MCM3: variants seen among roughly 807,000 people sequenced by gnomAD.
MCM3 encodes the protein minichromosome maintenance complex component 3, also known as DNA replication licensing factor MCM3.
A neutral mutation model predicts 91.3 loss-of-function variants in MCM3; 59 were observed. The ratio of observed to expected loss-of-function variants is 0.65; its 90% CI spans 0.52 to 0.80. The LOEUF is 0.80. Ranked by LOEUF, MCM3 falls within the 30% of genes least tolerant of loss-of-function variation. The pLI is 0.00. For missense variants in MCM3, 919 were observed against 1,035.4 expected, an observed-to-expected ratio of 0.89 and a Z score of 1.54; for synonymous variants, 383 against 379.6, an observed-to-expected ratio of 1.01 and a Z score of -0.10.
chr6:52,283,033 C>T lies in MCM3; in HGVS notation c.192-172G>A, dbSNP rs74865163. On this transcript the variant is annotated intron_variant, in intron 2 of 16. Transcript: ENST00000596288. ...TATAAGACTCAGTAAAATACCAGAA[C>T]TAAGGACCAACTTCACCTCAACTTA... Among the ~76,000 whole-genome samples the T allele has an allele frequency of 6.4e-3, 963 of 151,502 alleles. 10 individuals carry two copies. The highest frequency in any genetic ancestry group is 0.02 in the African/African-American group (815 of 41,254).
At chr6:52,275,055 C>T (rs757621350) in intron 9 of MCM3, among the ~76,000 whole-genome samples, 3 of 152,114 alleles carry the variant, frequency 2.0e-5, no homozygotes, top group Admixed American at 6.6e-5. Context: ...TGAGACACTG[C>T]GCCCAGCCCT....
At chr6:52,270,242 T>C (rs778365705) in intron 12 of MCM3, among the ~76,000 whole-genome samples, 11 of 146,636 alleles carry the variant, frequency 7.5e-5, no homozygotes, top group Non-Finnish European at 1.6e-4. Flanking sequence ...GGCAGGAGAA[T>C]AGCTTGAACC....
rs1562368632 is a variant in MCM3 at position 52,264,556 on chromosome 6, C to T, written c.*32G>A. The T allele has an allele frequency of 3.7e-6, 6 of 1,611,948 alleles. No individual in the cohort carries two copies. The highest frequency in any genetic ancestry group is 2.2e-5 in the East Asian group (1 of 44,864). The stretch of plus-strand genomic sequence containing the variant: ...GTGGGAAACACAGAACAAACTCTCT[C>T]GGCACAACCCAAGTTCAGAGACGAG... On this transcript the variant is annotated 3_prime_UTR_variant, in exon 17 of 17. Transcript: ENST00000596288.
chr6:52,272,221 T>TCA, intron 12 of MCM3, 80 bp downstream of exon 12: 2 of 1,448,030 alleles, frequency 1.4e-6, no homozygotes, highest in Non-Finnish European at 1.9e-6. Flanking sequence ...TAAAATGCTT[T>TCA]CAAAGCTCCC....
intron 9 of MCM3, among the ~76,000 whole-genome samples, chr6:52,274,690 GAAA>G (rs35200263): frequency 8.1e-6 from 1 of 123,892 alleles, no homozygotes; most frequent in African/African-American, 2.8e-5. Context: ...CTATGTCTCA[GAAA>G]AAAAAAAAAA....
At chr6:52,284,397 GGC>G (rs1290105879) in intron 1 of MCM3, among the ~76,000 whole-genome samples, 198 bp downstream of exon 1, 2 of 152,192 alleles carry the variant, frequency 1.3e-5, no homozygotes, top group African/African-American at 4.8e-5. Flanking sequence ...AGAGAAAGCT[GGC>G]TTCCTAAGAG....
intron 10 of MCM3, among the ~76,000 whole-genome samples, 158 bp from the exon 11 acceptor site, chr6:52,273,514 T>G (rs1490853143): frequency 2.0e-5 from 3 of 152,116 alleles, no homozygotes; most frequent in Admixed American, 1.3e-4. Flanking sequence ...ATAGTGGAAC[T>G]GCCTGGCTCA....
rs114522012 is a variant in MCM3, at chr6:52,272,980, G to T, written c.1676+250C>A. Among the ~76,000 whole-genome samples, 133 of 152,242 alleles carry T rather than the reference G, an allele frequency of 8.7e-4. 1 individual carries two copies. Among genetic ancestry groups the T allele is most frequent in the African/African-American group, 2.9e-3 (120 of 41,534 alleles). ...ATATAAGGCACACCCACCATCAGGC[G>T]TATCATCAAAACTCTATTTTAAGAA... On this transcript the variant is annotated intron_variant, in intron 11 of 16. Transcript: ENST00000596288.
chr6:52,269,012 C>T (rs1053734548), intron 13 of MCM3, 74 bp downstream of exon 13: 13 of 1,487,278 alleles, frequency 8.7e-6, no homozygotes, highest in African/African-American at 8.4e-5. Flanking sequence ...CCGTCAGCCA[C>T]GGAAGGCTGG....
In MCM3 at chr6:52,264,597, G is replaced by C. The variant is rs1175697294; in HGVS notation, c.2418C>G (p.Phe806Leu). 9 of 1,614,102 alleles carry C rather than the reference G, an allele frequency of 5.6e-6. No homozygotes were observed. The Admixed American group carries it at 1.3e-4, about 24-fold the overall frequency. ...CAGAGACGAGGCCTCCTCAGATGAG[G>C]AAGATGATGCCCTCAGACACCATGA... ...NQVMVSEGIIFLI is the reference protein window; with the variant it reads ...NQVMVSEGIILLI The change falls in exon 17 of 17, where the codon TTC becomes TTG. Residue 806 changes from phenylalanine (F) to leucine (L), a missense_variant. Around this residue, in one of 3 missense-constraint regions of MCM3, gnomAD observed 285 missense variants for 311.4 expected, o/e 0.92. Transcript: ENST00000596288.
At chr6:52,277,391 A>G in intron 7 of MCM3, 144 bp downstream of exon 7, 1 of 889,754 alleles carries the variant, frequency 1.1e-6, no homozygotes, top group Non-Finnish European at 1.6e-6. Flanking sequence ...AGAGATGACA[A>G]AAAAAAAAAA....
rs772299940 is a variant in MCM3 at position 52,273,743 on chromosome 6, A to G, written c.1548T>C (p.Asp516=). Residue 516 remains aspartate, a splice_region_variant and synonymous_variant, in exon 10 of 17, where the codon GAT becomes GAC. Coordinates refer to ENST00000596288, the MANE Select transcript of MCM3 (RefSeq NM_002388.6). ...RYRAPGEQDG[D]AMPLGSAVDI... The stretch of plus-strand genomic sequence containing the variant: ...CTCTTACTATTCTTATGGCCTCACC[A>G]TCGCCATCCTGCTCCCCAGGTGCTC... 3 of 1,608,278 alleles carry G rather than the reference A, an allele frequency of 1.9e-6. No individual in the cohort carries two copies. The highest frequency in any genetic ancestry group is 2.5e-6 in the Non-Finnish European group (3 of 1,177,268).
At chr6:52,274,743 T>C (rs1765418107) in intron 9 of MCM3, among the ~76,000 whole-genome samples, 1 of 149,038 alleles carries the variant, frequency 6.7e-6, no homozygotes, top group Admixed American at 6.7e-5. Flanking sequence ...AAAACCCCAA[T>C]ACTCTCCTTT....
chr6:52,281,934 T>C, intron 4 of MCM3, 111 bp downstream of exon 4: 2 of 1,119,682 alleles, frequency 1.8e-6, no homozygotes, highest in Non-Finnish European at 1.2e-6. Context: ...TTAATCCTTA[T>C]TTTTCACCCT....
chr6:52,266,575 G>A (rs1394992591), intron 15 of MCM3, 36 bp downstream of exon 15: 1 of 1,580,728 alleles, frequency 6.3e-7, no homozygotes, highest in East Asian at 2.2e-5. Context: ...AGAGTCACAG[G>A]AACAACCTCT....
rs774591214 is a variant in MCM3, at chr6:52,278,777, C to T, written c.844G>A (p.Ala282Thr). 1 of 1,613,920 alleles carries T rather than the reference C, an allele frequency of 6.2e-7. No individual in the cohort carries two copies. The highest frequency in any genetic ancestry group is 1.1e-5 in the South Asian group (1 of 91,022). Residue 282 changes from alanine to threonine, a missense_variant, in exon 6 of 17, where the codon GCC becomes ACC. Ala to Thr is a moderately conservative substitution (Grantham distance 58, BLOSUM62 0). Around this residue, in one of 3 missense-constraint regions of MCM3, gnomAD observed 401 missense variants for 402.7 expected, o/e 1.00. Coordinates refer to ENST00000596288, the MANE Select transcript of MCM3 (RefSeq NM_002388.6). ...AQPSFSAEDI[A>T]KIKKFSKTRS... The stretch of plus-strand genomic sequence containing the variant: ...GTTTTACTGAACTTCTTGATCTTGG[C>T]TATATCCTCAGCAGAGAAAGAGGGC...
Position 52,282,659 on chromosome 6 carries a change from T to C in MCM3, c.394A>G (p.Thr132Ala). ...SCVVCVEGIV[T>A]KCSLVRPKVV... ...CCCCCTTTAACCCACTTACATTTAG[T>C]GACAATGCCCTCCACACAGACCACA... The change falls in exon 3 of 17, where the codon ACT (threonine) becomes GCT (alanine). Residue 132 changes from threonine (T) to alanine (A), a missense_variant. Transcript: ENST00000596288. 4.3e-6 allele frequency: 7 copies of C among 1,613,020 alleles called. No homozygotes were observed. The highest frequency in any genetic ancestry group is 5.1e-6 in the Non-Finnish European group (6 of 1,180,000).
rs1348213113 is a variant in MCM3 at position 52,277,706 on chromosome 6, A to G, written c.880-18T>C. The G allele has an allele frequency of 2.5e-6, 4 of 1,612,204 alleles. No homozygotes were observed. Among genetic ancestry groups the G allele is most frequent in the African/African-American group, 2.7e-5 (2 of 74,830 alleles). On this transcript the variant is annotated intron_variant, in intron 6 of 16. Coordinates refer to ENST00000596288, the MANE Select transcript of MCM3 (RefSeq NM_002388.6). ...AAGATATCCTACAGGAGAAATAACC[A>G]ATGGCAAGCCTAGTGAGATTCAATG...
At chr6:52,275,208 G>T (rs1240838394) in intron 9 of MCM3, among the ~76,000 whole-genome samples, 1 of 152,188 alleles carries the variant, frequency 6.6e-6, no homozygotes, top group East Asian at 1.9e-4. Flanking sequence ...CCATGCAACT[G>T]TATGTATAAA....
Sources: allele counts gnomAD v4.1 joint callset (sites outside exome capture counted in the v4.1 genomes callset), GRCh38; gene constraint gnomAD v4.1.1; regional missense constraint gnomAD v4.1.1; transcripts MANE v1.5; gene names NCBI Gene and HGNC (gene_info 2026-07-23, HGNC 2026-07-21).